Variants in KPNA7 observed in about 807,000 individuals in gnomAD.
KPNA7 encodes the protein importin subunit alpha-8.
KPNA7 carries 54 observed loss-of-function variants against 53.7 expected under a neutral mutation model. The observed-to-expected ratio is 1.01, with a 90% confidence interval of 0.81 to 1.26. The LOEUF (loss-of-function observed/expected upper bound fraction) is 1.26. KPNA7 is among the 50% of genes most tolerant of loss of function. The pLI is 0.00. For synonymous variants in KPNA7, 276 were observed against 259.3 expected (o/e 1.06, Z -0.62); for missense variants, 640 against 644.5 (o/e 0.99, Z 0.07).
the KPNA7 span, among the ~76,000 whole-genome samples, chr7:99,146,147 C>T: frequency 1.8e-4 from 27 of 152,280 alleles, no homozygotes; most frequent in South Asian, 6.2e-4. Flanking sequence ...AACCAGACAT[C>T]ACTCTCTGCT....
At chr7:99,162,170 G>A in the KPNA7 span, among the ~76,000 whole-genome samples, 1 of 149,444 alleles carries the variant, frequency 6.7e-6, no homozygotes, top group East Asian at 2.0e-4. Context: ...CTTGCCTCCC[G>A]AGTAACTGGG....
At chr7:99,150,890 C>T in the KPNA7 span, among the ~76,000 whole-genome samples, 1 of 152,162 alleles carries the variant, frequency 6.6e-6, no homozygotes, top group Non-Finnish European at 1.5e-5. Flanking sequence ...CAAACTCATC[C>T]TTCTGCTGAG....
chr7:99,193,164 T>A (rs1790050843), intron 5 of KPNA7, 63 bp from the exon 6 acceptor site: 1 of 1,056,532 alleles, frequency 9.5e-7, no homozygotes, highest in Non-Finnish European at 1.3e-6. Context: ...AGTGGGTGAC[T>A]AATTTTTTAA....
intron 5 of KPNA7, among the ~76,000 whole-genome samples, chr7:99,193,357 T>C (rs999869323): frequency 6.6e-6 from 1 of 152,182 alleles, no homozygotes; most frequent in South Asian, 2.1e-4. Flanking sequence ...AGGTGGGCTG[T>C]TGGCATCTCA....
chr7:99,167,981 T>TCCCCCCCCCCC, the KPNA7 span, among the ~76,000 whole-genome samples: 124 of 137,344 alleles, frequency 9.0e-4, no homozygotes, highest in Non-Finnish European at 1.1e-3. Context: ...CCCAAACCAT[T>TCCCCCCCCCCC]CCCCCACCCC....
intron 9 of KPNA7, among the ~76,000 whole-genome samples, chr7:99,180,515 CTG>C (rs1375169449): frequency 6.8e-6 from 1 of 147,700 alleles, no homozygotes; most frequent in Non-Finnish European, 1.5e-5. Flanking sequence ...CTCTCTCTCT[CTG>C]TGTCTCTATC....
chr7:99,196,032 A>G (rs2150752421), intron 4 of KPNA7, 52 bp downstream of exon 4: 1 of 1,440,418 alleles, frequency 6.9e-7, no homozygotes, highest in East Asian at 2.5e-5. Flanking sequence ...GCCATCACTG[A>G]CGCTCATTGC....
intron 9 of KPNA7, among the ~76,000 whole-genome samples, chr7:99,179,499 T>G (rs1053717432): frequency 6.6e-6 from 1 of 152,174 alleles, no homozygotes; most frequent in Admixed American, 6.6e-5. Flanking sequence ...GAGGCTGCAG[T>G]GAGCTGAGAT....
chr7:99,163,367 A>G, the KPNA7 span, among the ~76,000 whole-genome samples: 5 of 53,438 alleles, frequency 9.4e-5, no homozygotes, highest in Non-Finnish European at 1.5e-4. Flanking sequence ...GTGTATATAT[A>G]TATATATATA....
chr7:99,193,818 T>TA (rs1342418402), intron 5 of KPNA7, among the ~76,000 whole-genome samples: 1 of 151,986 alleles, frequency 6.6e-6, no homozygotes, highest in Non-Finnish European at 1.5e-5. Context: ...GCTGGGACTA[T>TA]AGGCATACAC....
intron 1 of KPNA7, among the ~76,000 whole-genome samples, chr7:99,215,762 C>A (rs1360673048): frequency 6.6e-6 from 1 of 151,952 alleles, no homozygotes; most frequent in Non-Finnish European, 1.5e-5. Context: ...TATTTGAGAC[C>A]AGGAGTTCAA....
At chr7:99,181,771 A>T in intron 9 of KPNA7, 112 bp downstream of exon 9, 1 of 917,278 alleles carries the variant, frequency 1.1e-6, no homozygotes, top group Non-Finnish European at 1.6e-6. Flanking sequence ...ACCTCAGGTG[A>T]TCCACCTGTC....
At chr7:99,218,101 G>A (rs560613207) in intron 1 of KPNA7, among the ~76,000 whole-genome samples, 1 of 152,218 alleles carries the variant, frequency 6.6e-6, no homozygotes, top group East Asian at 1.9e-4. Flanking sequence ...CCTGGCTCAG[G>A]CAATCCTCCT....
chr7:99,199,065 GAAAA>G (rs67877761), intron 3 of KPNA7, among the ~76,000 whole-genome samples: 13 of 61,148 alleles, frequency 2.1e-4, no homozygotes, highest in East Asian at 5.8e-4. Flanking sequence ...GCTGCAAACT[GAAAA>G]AAAAAAAAAA....
the KPNA7 span, among the ~76,000 whole-genome samples, chr7:99,167,650 TTTGCATTTTTA>T: frequency 1.2e-5 from 1 of 80,560 alleles, no homozygotes; most frequent in Non-Finnish European, 2.4e-5. Flanking sequence ...TTTTTTTTTT[TTTGCATTTTTA>T]GTAGAGACAG....
At chr7:99,177,652 C>T (rs984098330) in intron 10 of KPNA7, among the ~76,000 whole-genome samples, 5 of 150,564 alleles carry the variant, frequency 3.3e-5, no homozygotes. Context: ...AAAAGGAGAC[C>T]AGTAAAGTGA....
At chr7:99,195,939 G>T (rs748589150) in intron 4 of KPNA7, 145 bp downstream of exon 4, 1 of 647,796 alleles carries the variant, frequency 1.5e-6, no homozygotes, top group Non-Finnish European at 2.7e-6. Context: ...TAGCAATTTC[G>T]TCTTTTAGAT....
At chr7:99,181,804 G>T in intron 9 of KPNA7, 79 bp downstream of exon 9, 1 of 1,269,876 alleles carries the variant, frequency 7.9e-7, no homozygotes, top group South Asian at 1.8e-5. Context: ...AGTACAACTT[G>T]AATTTTAAGA....
At chr7:99,162,393 G>A in the KPNA7 span, among the ~76,000 whole-genome samples, 9 of 152,228 alleles carry the variant, frequency 5.9e-5, no homozygotes, top group Non-Finnish European at 8.8e-5. Context: ...AAATGCAAAA[G>A]GTCAAAGTTG....
Sources: allele counts gnomAD v4.1 joint callset (sites outside exome capture counted in the v4.1 genomes callset), GRCh38; gene constraint gnomAD v4.1.1; transcripts MANE v1.5; gene names NCBI Gene and HGNC (gene_info 2026-07-23, HGNC 2026-07-21).